Variants in AP3B2 observed in about 807,000 individuals in gnomAD.
AP3B2 encodes adaptor related protein complex 3 subunit beta 2.
In AP3B2, 50 loss-of-function variants were observed where a neutral mutation model predicts 126.9. The observed-to-expected ratio is 0.39, with a 90% confidence interval of 0.31 to 0.50. The LOEUF (loss-of-function observed/expected upper bound fraction) is 0.50, where lower values mean the gene tolerates loss of function less well. Among genes scored for constraint, AP3B2 ranks in the 20% least tolerant of loss-of-function variants. The pLI is 0.79. For missense variants in AP3B2, 1,177 were observed against 1,426.4 expected (o/e 0.83, Z 2.82); for synonymous variants, 541 against 565.0 (o/e 0.96, Z 0.60).
intron 24 of AP3B2, 39 bp from the exon 25 acceptor site, chr15:82,661,961 G>T: frequency 6.4e-7 from 1 of 1,563,316 alleles, no homozygotes; most frequent in Non-Finnish European, 8.8e-7. Context: ...AATTAAGGCT[G>T]TCATCTCTCC....
intron 4 of AP3B2, among the ~76,000 whole-genome samples, chr15:82,682,047 C>CTT (rs769028602): frequency 0.023 from 1,848 of 79,896 alleles, 56 homozygotes; most frequent in South Asian, 0.031. Flanking sequence ...TAGGCCCTTC[C>CTT]TTTTTTTTTT....
At chr15:82,662,088 A>C in intron 24 of AP3B2, 80 bp downstream of exon 24, 1 of 1,415,922 alleles carries the variant, frequency 7.1e-7, no homozygotes, top group Non-Finnish European at 9.8e-7. Flanking sequence ...CCCACTAAGC[A>C]CCACCTCCAT....
intron 13 of AP3B2, 38 bp downstream of exon 13, chr15:82,677,236 C>T: frequency 6.7e-7 from 1 of 1,503,198 alleles, no homozygotes; most frequent in South Asian, 1.1e-5. Flanking sequence ...ATGGGGAGGA[C>T]CTTGAAGTGG....
intron 1 of AP3B2, 33 bp downstream of exon 1, chr15:82,709,561 C>T (rs1332479304): frequency 7.5e-6 from 11 of 1,461,480 alleles, no homozygotes; most frequent in African/African-American, 1.5e-5. Flanking sequence ...CCGGCCCCAA[C>T]CCTCCCGCGA....
At chr15:82,666,601 G>C (rs1308673044) in intron 15 of AP3B2, 146 bp downstream of exon 15, 1 of 844,876 alleles carries the variant, frequency 1.2e-6, no homozygotes, top group Non-Finnish European at 1.8e-6. Flanking sequence ...TGGTGCCACA[G>C]GAGGGACAAA....
At chr15:82,684,834 A>G (rs1433156690) in intron 4 of AP3B2, among the ~76,000 whole-genome samples, 1 of 152,210 alleles carries the variant, frequency 6.6e-6, no homozygotes, top group Non-Finnish European at 1.5e-5. Context: ...TTTACTTTGC[A>G]TTCACAACTT....
chr15:82,681,138 C>G lies in AP3B2; in HGVS notation c.562G>C (p.Glu188Gln). 1.2e-6 allele frequency: 2 copies of G among 1,613,230 alleles called. No individual in the cohort carries two copies. The highest frequency in any genetic ancestry group is 1.7e-6 in the Non-Finnish European group (2 of 1,179,588). Reference sequence around the variant, plus strand: ...GTGGTCTTGTCAGCCAGAAGCTTCTCAATGACTTCTATCAGCTGATCCTTC... The same window carrying G: ...GTGGTCTTGTCAGCCAGAAGCTTCTGAATGACTTCTATCAGCTGATCCTTC... Reference protein sequence around the residue: ...DQKDQLIEVIEKLLADKTTLV... With the variant: ...DQKDQLIEVIQKLLADKTTLV... Residue 188 changes from glutamate (E) to glutamine (Q), a missense_variant, in exon 6 of 27, where the codon GAG becomes CAG. Transcript: ENST00000535359. This position sits in a 1 kb window ranked among gnomAD's most constrained non-coding sequence, Gnocchi z 4.0.
intron 1 of AP3B2, among the ~76,000 whole-genome samples, chr15:82,707,644 A>C (rs986975263): frequency 6.6e-6 from 1 of 152,206 alleles, no homozygotes; most frequent in Admixed American, 6.5e-5. Context: ...TGGCAGGGCT[A>C]TGCTGAACCT....
At chr15:82,700,067 T>C (rs1279483067) in intron 1 of AP3B2, among the ~76,000 whole-genome samples, 2 of 152,074 alleles carry the variant, frequency 1.3e-5, no homozygotes, top group Non-Finnish European at 2.9e-5. Flanking sequence ...AGCCTACCCC[T>C]AGTCTCTGGG....
chr15:82,679,853 G>T, intron 9 of AP3B2, 53 bp from the exon 10 acceptor site: 1 of 1,519,996 alleles, frequency 6.6e-7, no homozygotes, highest in Non-Finnish European at 9.1e-7. Context: ...GGCCTGCCTC[G>T]CTGCCCAGAG....
rs2048328745 is a variant in AP3B2 at position 82,680,943 on chromosome 15, C to T, written c.665G>A (p.Arg222Gln). ...ERIDLIHKNY[R>Q]KLCNLLIDVE... ...GTCGATCAGCAGGTTACAGAGTTTCCGGTAGTTTTTGTGAATCAGGTCGAT... is the reference window on the plus strand; with the variant it reads ...GTCGATCAGCAGGTTACAGAGTTTCTGGTAGTTTTTGTGAATCAGGTCGAT... Residue 222 changes from arginine (R) to glutamine (Q), a missense_variant, in exon 7 of 27, where the codon CGG (arginine) becomes CAG (glutamine). Around this residue, in one of 5 missense-constraint regions of AP3B2, gnomAD observed 130 missense variants for 262.0 expected, o/e 0.50. Coordinates refer to ENST00000535359, the MANE Select transcript of AP3B2 (RefSeq NM_001278512.2). This position sits in a 1 kb window ranked among gnomAD's most constrained non-coding sequence, Gnocchi z 6.1. 2 of 1,613,916 alleles carry T rather than the reference C, an allele frequency of 1.2e-6. No individual in the cohort carries two copies. The highest frequency in any genetic ancestry group is 1.7e-6 in the Non-Finnish European group (2 of 1,179,866).
At chr15:82,688,885 AC>A in intron 3 of AP3B2, 54 bp from the exon 4 acceptor site, 3 of 1,480,948 alleles carry the variant, frequency 2.0e-6, no homozygotes, top group Non-Finnish European at 2.8e-6. Context: ...ACCTGTGCCC[AC>A]CCCCCTACCC....
chr15:82,689,254 G>A (rs1388415828), intron 2 of AP3B2, 22 bp from the exon 3 acceptor site: 2 of 1,613,880 alleles, frequency 1.2e-6, no homozygotes, highest in Non-Finnish European at 1.7e-6. Context: ...GGTCAAGGTA[G>A]GGGAAGAGGG....
Position 82,663,130 on chromosome 15 carries a change from C to G in AP3B2, c.2601G>C (p.Pro867=). 3 of 1,609,256 alleles carry G rather than the reference C, an allele frequency of 1.9e-6. No individual in the cohort carries two copies. Among genetic ancestry groups the G allele is most frequent in the Non-Finnish European group, 2.5e-6 (3 of 1,178,220 alleles). The change falls in exon 22 of 27, where the codon CCG becomes CCC. Residue 867 remains proline, a synonymous_variant. Coordinates refer to ENST00000535359, the MANE Select transcript of AP3B2 (RefSeq NM_001278512.2). The part of the protein sequence containing the change: ...GLTLTDSTLV[P]SLLSPVSGVG... ...TCCCCTCCTCCATCCCACTCACCGA[C>G]GGTACCAGGGTGGAGTCTGTGAGTG...
intron 4 of AP3B2, 68 bp downstream of exon 4, chr15:82,688,668 C>A: frequency 1.4e-6 from 2 of 1,430,624 alleles, no homozygotes; most frequent in East Asian, 2.5e-5. Flanking sequence ...TGGCCTCTCC[C>A]CAGGCCTACT....
Position 82,664,508 on chromosome 15 carries a change from GAGGCCTCCTCCCTCATATGC to G in AP3B2, c.2138-38_2138-19del. ...CTCAGGGTCTGTGGAGGAACAATAT[GAGGCCTCCTCCCTCATATGC>G]AGGCCTCCTTGGGTCTGGAGCAGAC... On this transcript the variant is annotated intron_variant, in intron 18 of 26. Coordinates refer to ENST00000535359, the MANE Select transcript of AP3B2 (RefSeq NM_001278512.2). This position sits in a 1 kb window ranked among gnomAD's most constrained non-coding sequence, Gnocchi z 4.5. 1 of 1,608,172 alleles carries G rather than the reference GAGGCCTCCTCCCTCATATGC, an allele frequency of 6.2e-7. No homozygotes were observed. The highest frequency in any genetic ancestry group is 8.5e-7 in the Non-Finnish European group (1 of 1,177,358).
Position 82,663,560 on chromosome 15 carries a change from A to G in AP3B2, c.2497T>C (p.Phe833Leu). ...TGTGACTTTTACCACCCAAACTCAC[A>G]ATCCTCTAGATCAAGCAGGGAGATC... Reference protein sequence around the residue: ...KEISLLDLEDFTPPSVQPVSP... With the variant: ...KEISLLDLEDLTPPSVQPVSP... Residue 833 changes from phenylalanine (F) to leucine (L), a missense_variant and splice_region_variant, in exon 21 of 27, where the codon TTC (phenylalanine) becomes CTC (leucine). By Grantham distance (22) the Phe-to-Leu change is conservative (BLOSUM62 0). Coordinates refer to ENST00000535359, the MANE Select transcript of AP3B2 (RefSeq NM_001278512.2). 3.1e-6 allele frequency: 5 copies of G among 1,613,748 alleles called. No homozygotes were observed. The highest frequency in any genetic ancestry group is 4.5e-5 in the East Asian group (2 of 44,866).
chr15:82,664,401 C>G lies in AP3B2; in HGVS notation c.2227G>C (p.Asp743His). The change falls in exon 19 of 27, where the codon GAT (aspartate) becomes CAT (histidine). Residue 743 changes from aspartate to histidine, a missense_variant. By Grantham distance (81) the Asp-to-His change is moderately conservative. Transcript: ENST00000535359. The surrounding 1 kb of genome is among the most constrained non-coding windows in gnomAD (Gnocchi z 4.5). The stretch of plus-strand genomic sequence containing the variant: ...CCTCTCCCTTTCTCCTCATCCTCAT[C>G]CTGGTCTTCATTGTCGGACTCACTG... ...SSSESDNEDQ[D>H]EDEEKGRGSE... The G allele has an allele frequency of 6.2e-7, 1 of 1,613,968 alleles. No homozygotes were observed.
At chr15:82,688,404 G>A (rs148128981) in intron 4 of AP3B2, 14 of 702,068 alleles carry the variant, frequency 2.0e-5, no homozygotes, top group Middle Eastern at 4.6e-4. Context: ...TTACACAAAG[G>A]GGGGTGAGGG....
Sources: allele counts gnomAD v4.1 joint callset (sites outside exome capture counted in the v4.1 genomes callset), GRCh38; gene constraint gnomAD v4.1.1; regional missense constraint gnomAD v4.1.1; non-coding constraint Gnocchi (gnomAD v3.1); transcripts MANE v1.5; gene names NCBI Gene and HGNC (gene_info 2026-07-23, HGNC 2026-07-21).